FUT9: variants seen among roughly 807,000 people sequenced by gnomAD.
FUT9 encodes the protein 4-galactosyl-N-acetylglucosaminide 3-alpha-L-fucosyltransferase 9.
FUT9 carries 15 observed loss-of-function variants against 29.7 expected under a neutral mutation model. The observed-to-expected ratio is 0.51, with a 90% CI of 0.34 to 0.78. The LOEUF (loss-of-function observed/expected upper bound fraction) is 0.78. FUT9 is among the 30% of genes least tolerant of loss of function. FUT9 has a pLI of 0.01. For synonymous variants in FUT9, 169 were observed against 153.7 expected, an observed-to-expected ratio of 1.10 and a Z score of -0.74; for missense variants, 319 against 425.4, an observed-to-expected ratio of 0.75 and a Z score of 2.20.
At chr6:96,083,231 T>A (rs1225985554) in intron 1 of FUT9, among the ~76,000 whole-genome samples, 1 of 152,046 alleles carries the variant, frequency 6.6e-6, no homozygotes, top group African/African-American at 2.4e-5. Context: ...CTTGAATGAA[T>A]GAATGAAGAG....
At chr6:96,049,754 G>A (rs1246971937) in intron 1 of FUT9, among the ~76,000 whole-genome samples, 1 of 152,068 alleles carries the variant, frequency 6.6e-6, no homozygotes, top group East Asian at 1.9e-4. Flanking sequence ...TGTGTTTTGA[G>A]CATCTCTGTT....
intron 2 of FUT9, among the ~76,000 whole-genome samples, chr6:96,150,370 G>A (rs941572960): frequency 2.0e-5 from 3 of 152,124 alleles, no homozygotes; most frequent in South Asian, 2.1e-4. Flanking sequence ...GAGGAAAAAG[G>A]AAAAGGAGAA....
chr6:96,066,914 G>A (rs1469289474), intron 1 of FUT9, among the ~76,000 whole-genome samples: 1 of 151,886 alleles, frequency 6.6e-6, no homozygotes, highest in Admixed American at 6.6e-5. Context: ...AGGAGAGGCT[G>A]AATTTTTAAA....
chr6:96,069,033 T>C (rs1374445022), intron 1 of FUT9, among the ~76,000 whole-genome samples: 1 of 152,220 alleles, frequency 6.6e-6, no homozygotes, highest in African/African-American at 2.4e-5. Context: ...TTAAGAATCA[T>C]TGACCGGGCG....
chr6:96,028,875 T>TATTC (rs1770212866), intron 1 of FUT9, among the ~76,000 whole-genome samples: 1 of 151,592 alleles, frequency 6.6e-6, no homozygotes, highest in African/African-American at 2.4e-5. Flanking sequence ...TTTTAATAAT[T>TATTC]ATTCAGTCAC....
At chr6:96,191,329 A>G (rs1239109526) in intron 2 of FUT9, among the ~76,000 whole-genome samples, 1 of 152,110 alleles carries the variant, frequency 6.6e-6, no homozygotes, top group African/African-American at 2.4e-5. Context: ...TTGATAGACC[A>G]CTAGCAAGAC....
chr6:96,212,486 T>A lies in FUT9; in HGVS notation c.*8251T>A, dbSNP rs980270204. The A allele has an allele frequency of 8.1e-5, 33 of 409,102 alleles. No homozygotes were observed. The highest frequency in any genetic ancestry group is 1.5e-4 in the Non-Finnish European group (33 of 223,764). 25.3% of individuals were successfully genotyped at this position (409,102 alleles called of 1,614,324 possible). On this transcript the variant is annotated 3_prime_UTR_variant, in exon 3 of 3. Coordinates refer to ENST00000302103, the MANE Select transcript of FUT9 (RefSeq NM_006581.4). ...TCATATGTGATTTTAAAATAATTAA[T>A]CAAAAAACAAAGACTATCATATTTG...
At chr6:96,119,309 A>G (rs1771974667) in intron 2 of FUT9, among the ~76,000 whole-genome samples, 1 of 152,166 alleles carries the variant, frequency 6.6e-6, no homozygotes, top group South Asian at 2.1e-4. Context: ...AGATATACAA[A>G]TACCATTGTG....
intron 1 of FUT9, among the ~76,000 whole-genome samples, chr6:96,042,025 C>T (rs1278761185): frequency 6.6e-6 from 1 of 152,154 alleles, no homozygotes; most frequent in East Asian, 1.9e-4. Flanking sequence ...AAGTACTTGC[C>T]TCTGGAATAG....
intron 1 of FUT9, among the ~76,000 whole-genome samples, chr6:96,028,461 A>C (rs772689963): frequency 6.6e-6 from 1 of 151,654 alleles, no homozygotes; most frequent in African/African-American, 2.4e-5. Flanking sequence ...CTGAGAGATT[A>C]AAGTCAAATT....
chr6:96,184,580 G>A (rs9391000), intron 2 of FUT9, among the ~76,000 whole-genome samples: 138,660 of 152,032 alleles, frequency 0.91, 64,590 homozygotes, highest in Non-Finnish European at 1. Context: ...TTTCAGTGTA[G>A]GCGTTTAGAG....
intron 2 of FUT9, among the ~76,000 whole-genome samples, chr6:96,134,138 G>A (rs1772302894): frequency 6.6e-6 from 1 of 151,722 alleles, no homozygotes; most frequent in African/African-American, 2.4e-5. Flanking sequence ...ATAGTTTTCT[G>A]TTGTAGAATT....
chr6:96,055,676 T>C (rs1770751128), intron 1 of FUT9, among the ~76,000 whole-genome samples: 1 of 150,684 alleles, frequency 6.6e-6, no homozygotes, highest in African/African-American at 2.4e-5. Flanking sequence ...TGTTTTTTGT[T>C]TTCGTTTTTG....
chr6:96,053,108 G>T (rs962459943), intron 1 of FUT9, among the ~76,000 whole-genome samples: 6 of 151,644 alleles, frequency 4.0e-5, no homozygotes, highest in African/African-American at 1.2e-4. Context: ...CTTTATCCTG[G>T]TCTACTGAGA....
intron 1 of FUT9, among the ~76,000 whole-genome samples, chr6:96,062,288 A>G (rs1770889160): frequency 6.6e-6 from 1 of 152,128 alleles, no homozygotes; most frequent in Non-Finnish European, 1.5e-5. Flanking sequence ...TTAAAACTAT[A>G]GGAAGGAAAA....
In FUT9 at chr6:96,206,354, A is replaced by G. The variant is rs1212171420; in HGVS notation, c.*2119A>G. The G allele has an allele frequency of 6.0e-6, 1 of 167,116 alleles. No homozygotes were observed. The highest frequency in any genetic ancestry group is 2.4e-5 in the African/African-American group (1 of 41,464). The allele number at this position is 167,116 out of a possible 1,614,324, so 10.4% of individuals were successfully genotyped here. A position where few individuals can be genotyped will look rare whatever the true frequency, so the allele number is the denominator to read the frequency against. ...TCCATATTTAATTAATTGGTAAGAC[A>G]GTCAAATTCATACATTTACATTTAC... On this transcript the variant is annotated 3_prime_UTR_variant, in exon 3 of 3. Coordinates refer to ENST00000302103, the MANE Select transcript of FUT9 (RefSeq NM_006581.4).
intron 1 of FUT9, among the ~76,000 whole-genome samples, chr6:96,055,709 CT>C (rs113298226): frequency 4.2e-3 from 191 of 45,596 alleles, no homozygotes; most frequent in Middle Eastern, 0.031. Context: ...ATTTCTTTTT[CT>C]TTTTTTTTTT....
At chr6:96,171,963 C>T (rs997438521) in intron 2 of FUT9, among the ~76,000 whole-genome samples, 3 of 152,180 alleles carry the variant, frequency 2.0e-5, no homozygotes, top group Admixed American at 1.3e-4. Context: ...TTCCTCCAAA[C>T]ATCAGTGTCT....
Position 96,204,894 on chromosome 6 carries a change from C to T in FUT9, c.*659C>T, listed in dbSNP as rs1773799029. Reference sequence around the variant, plus strand: ...ATTTGCAGCTACTTATTCTCATGGTCTTAAATTAAATTATTCAAGTATTTT... The same window carrying T: ...ATTTGCAGCTACTTATTCTCATGGTTTTAAATTAAATTATTCAAGTATTTT... On this transcript the variant is annotated 3_prime_UTR_variant, in exon 3 of 3. Coordinates refer to ENST00000302103, the MANE Select transcript of FUT9 (RefSeq NM_006581.4). 1 of 164,146 alleles carries T rather than the reference C, an allele frequency of 6.1e-6. No homozygotes were observed. The highest frequency in any genetic ancestry group is 1.5e-5 in the Non-Finnish European group (1 of 68,044). 10.2% of individuals were successfully genotyped at this position (164,146 alleles called of 1,614,324 possible). A position where few individuals can be genotyped will look rare whatever the true frequency, so the allele number is the denominator to read the frequency against.
Sources: allele counts gnomAD v4.1 joint callset (sites outside exome capture counted in the v4.1 genomes callset), GRCh38; gene constraint gnomAD v4.1.1; transcripts MANE v1.5; gene names NCBI Gene and HGNC (gene_info 2026-07-23, HGNC 2026-07-21).